FCHSD2: variants seen among roughly 807,000 people sequenced by gnomAD.
FCHSD2 encodes FCH and double SH3 domains 2, also known as F-BAR and double SH3 domains protein 2.
FCHSD2 carries 38 observed loss-of-function variants against 108.1 expected under a neutral mutation model. That is an observed-to-expected ratio of 0.35 (90% confidence interval 0.27 to 0.46). The LOEUF is 0.46. Among genes scored for constraint, FCHSD2 ranks in the 20% least tolerant of loss-of-function variants. The pLI is 1.00. For synonymous variants in FCHSD2, 279 were observed against 314.7 expected (o/e 0.89, Z 1.20); for missense variants, 751 against 897.8 (o/e 0.84, Z 2.09).
At chr11:73,104,459 G>A (rs906505994) in intron 2 of FCHSD2, among the ~76,000 whole-genome samples, 1 of 152,136 alleles carries the variant, frequency 6.6e-6, no homozygotes, top group Non-Finnish European at 1.5e-5. Flanking sequence ...CAGTAGAGAT[G>A]GGGTTTCACC....
chr11:73,110,186 A>G (rs1860449106), intron 2 of FCHSD2, among the ~76,000 whole-genome samples: 1 of 151,780 alleles, frequency 6.6e-6, no homozygotes, highest in South Asian at 2.1e-4. Context: ...CTTTGGTATC[A>G]GGGTACTGCT....
intron 2 of FCHSD2, among the ~76,000 whole-genome samples, chr11:73,094,875 C>T (rs1253680902): frequency 6.6e-6 from 1 of 152,038 alleles, no homozygotes; most frequent in Non-Finnish European, 1.5e-5. Flanking sequence ...TATTTTTTAA[C>T]GAGGCAAGCG....
chr11:72,884,165 T>A (rs1855148896), intron 12 of FCHSD2, among the ~76,000 whole-genome samples: 1 of 152,144 alleles, frequency 6.6e-6, no homozygotes, highest in Non-Finnish European at 1.5e-5. Context: ...CATCACATCA[T>A]CTACGAACTA....
intron 4 of FCHSD2, among the ~76,000 whole-genome samples, chr11:73,010,347 A>C (rs568317151): frequency 8.5e-5 from 13 of 152,082 alleles, no homozygotes; most frequent in African/African-American, 3.1e-4. Flanking sequence ...CTTGTATCTC[A>C]TTGAGCTTCT....
At chr11:72,920,526 G>A (rs879699562) in intron 9 of FCHSD2, among the ~76,000 whole-genome samples, 9 of 152,122 alleles carry the variant, frequency 5.9e-5, no homozygotes, top group Admixed American at 3.9e-4. Context: ...GACCACTTGA[G>A]GCCAGGACTT....
chr11:72,883,230 T>C (rs1855126145), intron 12 of FCHSD2, among the ~76,000 whole-genome samples: 1 of 152,192 alleles, frequency 6.6e-6, no homozygotes. Flanking sequence ...ATAACACTTC[T>C]AGAAGAAAAC....
chr11:72,928,267 A>C (rs1014397677), intron 8 of FCHSD2, among the ~76,000 whole-genome samples: 4 of 152,224 alleles, frequency 2.6e-5, no homozygotes, highest in Non-Finnish European at 4.4e-5. Flanking sequence ...AATTTTTTTC[A>C]ATGGCTCCCA....
At chr11:73,024,272 A>G (rs1268565678) in intron 3 of FCHSD2, among the ~76,000 whole-genome samples, 1 of 152,196 alleles carries the variant, frequency 6.6e-6, no homozygotes, top group Non-Finnish European at 1.5e-5. Flanking sequence ...GGTATGGGGA[A>G]TGAAGGGGCA....
At chr11:72,945,445 C>A (rs1393517115) in intron 8 of FCHSD2, among the ~76,000 whole-genome samples, 1 of 152,074 alleles carries the variant, frequency 6.6e-6, no homozygotes, top group Non-Finnish European at 1.5e-5. Flanking sequence ...CCATAAAAAC[C>A]CTAGAATAAA....
At chr11:72,850,999 T>C (rs1039080427) in intron 13 of FCHSD2, among the ~76,000 whole-genome samples, 47 of 146,288 alleles carry the variant, frequency 3.2e-4, no homozygotes, top group Non-Finnish European at 5.9e-4. Flanking sequence ...CTGCGAAGGC[T>C]GAGGCAAGAG....
At chr11:72,999,650 G>T (rs1857586288) in intron 5 of FCHSD2, among the ~76,000 whole-genome samples, 1 of 152,034 alleles carries the variant, frequency 6.6e-6, no homozygotes, top group Non-Finnish European at 1.5e-5. Flanking sequence ...AGGAATGTCA[G>T]TTAAATTCAG....
chr11:73,109,248 A>G (rs920083618), intron 2 of FCHSD2, among the ~76,000 whole-genome samples: 1 of 152,112 alleles, frequency 6.6e-6, no homozygotes, highest in Non-Finnish European at 1.5e-5. Context: ...TGCTTTTTCT[A>G]TTTCTGTGAA....
chr11:72,933,742 T>C (rs544676383), intron 8 of FCHSD2, among the ~76,000 whole-genome samples: 2 of 152,306 alleles, frequency 1.3e-5, no homozygotes, highest in African/African-American at 4.8e-5. Context: ...AAGTAGACAA[T>C]TTTTATGTCA....
chr11:72,999,879 ACACACACAAACAC>A (rs1565361861), intron 5 of FCHSD2, among the ~76,000 whole-genome samples: 47 of 149,452 alleles, frequency 3.1e-4, no homozygotes, highest in African/African-American at 9.1e-4. Flanking sequence ...ACACACACAC[ACACACACAAACAC>A]ACACACACAC....
chr11:73,055,635 T>C (rs1386345075), intron 3 of FCHSD2, among the ~76,000 whole-genome samples: 5 of 152,228 alleles, frequency 3.3e-5, no homozygotes, highest in African/African-American at 7.2e-5. Flanking sequence ...ACAGAGTACA[T>C]GTATGTTACA....
chr11:72,975,477 T>C (rs1857087393), intron 8 of FCHSD2, among the ~76,000 whole-genome samples: 1 of 152,182 alleles, frequency 6.6e-6, no homozygotes, highest in South Asian at 2.1e-4. Context: ...CAATAATTTA[T>C]GGTATATTCT....
intron 10 of FCHSD2, among the ~76,000 whole-genome samples, chr11:72,896,823 T>G (rs962335523): frequency 6.6e-6 from 1 of 150,812 alleles, no homozygotes; most frequent in African/African-American, 2.4e-5. Context: ...GGATTTTTGT[T>G]TTGTTTTGTT....
At position 72,838,755 on chromosome 11, in the gene FCHSD2, CTTGA is replaced by C. The variant is rs1323705182; in HGVS notation, c.*32_*35del. ...AGACTGGCCAAACTCCAAGCCTGGC[CTTGA>C]TTGTAGCAGTAATGGATGGGCAAGC... On this transcript the variant is annotated 3_prime_UTR_variant, in exon 20 of 20. Coordinates refer to ENST00000409418, the MANE Select transcript of FCHSD2 (RefSeq NM_014824.3). The C allele has an allele frequency of 6.5e-7, 1 of 1,546,286 alleles. No individual in the cohort carries two copies. The highest frequency in any genetic ancestry group is 8.8e-7 in the Non-Finnish European group (1 of 1,135,890).
chr11:72,984,051 T>C (rs1467462981), intron 8 of FCHSD2, 37 bp downstream of exon 8: 9 of 1,558,964 alleles, frequency 5.8e-6, no homozygotes, highest in South Asian at 5.7e-5. Context: ...TTGTTTTCAA[T>C]GAAGTAAAAT....
Sources: gnomAD v4.1 joint callset for allele counts (sites outside exome capture counted in the v4.1 genomes callset) on GRCh38, gnomAD v4.1.1 for gene constraint, MANE v1.5 for transcripts, NCBI Gene and HGNC (gene_info 2026-07-23, HGNC 2026-07-21) for gene names.